WWOX: variants seen among roughly 807,000 people sequenced by gnomAD.
The protein encoded by WWOX is WW domain containing oxidoreductase, also known as WW domain-containing oxidoreductase.
WWOX carries 69 observed loss-of-function variants against 46.2 expected under a neutral mutation model. The ratio of observed to expected loss-of-function variants is 1.49; its 90% CI spans 1.23 to 1.82. WWOX has a LOEUF of 1.82. Among genes scored for constraint, WWOX ranks in the 40% most tolerant of loss-of-function variants. The pLI is 0.00. For missense variants in WWOX, 919 were observed against 542.6 expected, an observed-to-expected ratio of 1.69 and a Z score of -6.89; for synonymous variants, 359 against 202.6, an observed-to-expected ratio of 1.77 and a Z score of -6.56.
chr16:79,133,356 G>C (rs372848848), intron 8 of WWOX, among the ~76,000 whole-genome samples: 13 of 152,224 alleles, frequency 8.5e-5, no homozygotes, highest in African/African-American at 3.1e-4. Context: ...AACATTAACG[G>C]GGAACCCAAT....
intron 8 of WWOX, among the ~76,000 whole-genome samples, chr16:79,069,118 A>G (rs1040038756): frequency 6.6e-6 from 1 of 152,170 alleles, no homozygotes; most frequent in African/African-American, 2.4e-5. Flanking sequence ...CCCACGTGTG[A>G]CATCTCACTT....
At chr16:78,968,854 C>T (rs947491762) in intron 8 of WWOX, among the ~76,000 whole-genome samples, 6 of 151,814 alleles carry the variant, frequency 4.0e-5, no homozygotes, top group African/African-American at 1.5e-4. Context: ...TGCAGTATTA[C>T]CATAAGAAGG....
chr16:78,837,211 G>C (rs1489464008), intron 8 of WWOX, among the ~76,000 whole-genome samples: 1 of 152,176 alleles, frequency 6.6e-6, no homozygotes, highest in Non-Finnish European at 1.5e-5. Flanking sequence ...GGCTGAACCA[G>C]AAGACTTGAG....
chr16:78,332,754 C>T (rs754418746), intron 5 of WWOX, among the ~76,000 whole-genome samples: 20 of 152,054 alleles, frequency 1.3e-4, no homozygotes, highest in Admixed American at 5.9e-4. Context: ...GTGCCTTTTG[C>T]TCTGTTAAGT....
intron 8 of WWOX, among the ~76,000 whole-genome samples, chr16:78,545,925 C>T (rs956061802): frequency 5.3e-5 from 8 of 152,136 alleles, no homozygotes; most frequent in African/African-American, 1.7e-4. Context: ...ACGCTTATGA[C>T]ATCATTTAAC....
intron 8 of WWOX, among the ~76,000 whole-genome samples, chr16:78,447,260 T>C (rs2083582823): frequency 6.6e-6 from 1 of 152,210 alleles, no homozygotes; most frequent in Non-Finnish European, 1.5e-5. Flanking sequence ...GTACATTTAC[T>C]CCTGTGCCAG....
intron 5 of WWOX, among the ~76,000 whole-genome samples, chr16:78,356,978 T>G (rs1316818834): frequency 6.6e-6 from 1 of 152,226 alleles, no homozygotes; most frequent in Non-Finnish European, 1.5e-5. Flanking sequence ...GATGCCTACC[T>G]TTTTATGGCC....
At chr16:78,872,041 A>G (rs78449219) in intron 8 of WWOX, among the ~76,000 whole-genome samples, 5 of 152,232 alleles carry the variant, frequency 3.3e-5, no homozygotes, top group Non-Finnish European at 5.9e-5. Context: ...CTAGGGCACA[A>G]AATTTCTGTC....
chr16:78,506,844 C>CT (rs1271701622), intron 8 of WWOX, among the ~76,000 whole-genome samples: 1 of 151,890 alleles, frequency 6.6e-6, no homozygotes, highest in Non-Finnish European at 1.5e-5. Context: ...TCCCAAGTAG[C>CT]TGGAACTACA....
intron 8 of WWOX, among the ~76,000 whole-genome samples, chr16:79,120,326 C>CTATT (rs2049603115): frequency 6.6e-6 from 1 of 152,142 alleles, no homozygotes; most frequent in Non-Finnish European, 1.5e-5. Flanking sequence ...TGCTGTCAGG[C>CTATT]GCATTTACCC....
intron 8 of WWOX, among the ~76,000 whole-genome samples, chr16:79,039,493 A>G (rs971856380): frequency 5.9e-5 from 9 of 152,178 alleles, no homozygotes; most frequent in African/African-American, 2.2e-4. Context: ...TGCCCATCGT[A>G]AAGGCTGATT....
chr16:79,093,735 A>AG (rs776780835), intron 8 of WWOX, among the ~76,000 whole-genome samples: 1 of 152,106 alleles, frequency 6.6e-6, no homozygotes, highest in African/African-American at 2.4e-5. Context: ...GGATAATCAG[A>AG]TATTAGTTAA....
intron 5 of WWOX, among the ~76,000 whole-genome samples, chr16:78,290,704 C>A (rs530217955): frequency 1.1e-4 from 17 of 151,990 alleles, no homozygotes; most frequent in African/African-American, 4.1e-4. Flanking sequence ...CTTATTGATT[C>A]TTGGTGGGAA....
At chr16:78,946,343 C>G (rs1464017564) in intron 8 of WWOX, among the ~76,000 whole-genome samples, 1 of 152,006 alleles carries the variant, frequency 6.6e-6, no homozygotes, top group South Asian at 2.1e-4. Context: ...GGATGCGCCA[C>G]CATGCCCAGC....
intron 8 of WWOX, among the ~76,000 whole-genome samples, chr16:78,915,693 C>G (rs1253495219): frequency 7.0e-4 from 5 of 7,168 alleles, no homozygotes; most frequent in Non-Finnish European, 3.2e-3. Flanking sequence ...CTCTCCAAAG[C>G]CATTTAAAAA....
intron 8 of WWOX, among the ~76,000 whole-genome samples, chr16:78,555,733 A>G (rs759982401): frequency 2.6e-5 from 4 of 152,040 alleles, no homozygotes; most frequent in African/African-American, 9.7e-5. Flanking sequence ...AAATGACTCC[A>G]CATTTGGAAT....
chr16:78,265,490 C>T (rs970732807), intron 5 of WWOX, among the ~76,000 whole-genome samples: 1 of 151,894 alleles, frequency 6.6e-6, no homozygotes, highest in African/African-American at 2.4e-5. Context: ...ACCAGCCTGA[C>T]CAACATGGAG....
At chr16:78,794,819 C>T (rs1323969158) in intron 8 of WWOX, among the ~76,000 whole-genome samples, 3 of 152,238 alleles carry the variant, frequency 2.0e-5, no homozygotes, top group Non-Finnish European at 4.4e-5. Flanking sequence ...AAGGTGCAGA[C>T]ACAGGGCACA....
At chr16:78,995,812 T>A (rs1352838871) in intron 8 of WWOX, among the ~76,000 whole-genome samples, 1 of 152,188 alleles carries the variant, frequency 6.6e-6, no homozygotes, top group Non-Finnish European at 1.5e-5. Flanking sequence ...TCATTGCAAG[T>A]GTAAAGGAGA....
Sources: allele counts gnomAD v4.1 joint callset (sites outside exome capture counted in the v4.1 genomes callset), GRCh38; gene constraint gnomAD v4.1.1; transcripts MANE v1.5; gene names NCBI Gene and HGNC (gene_info 2026-07-23, HGNC 2026-07-21).